The following VIPR2 variants were observed in gnomAD, a reference collection of about 807,000 sequenced individuals.
VIPR2 encodes the protein vasoactive intestinal peptide receptor 2.
VIPR2 carries 48 observed loss-of-function variants against 58.0 expected under a neutral mutation model. The observed-to-expected ratio is 0.83, with a 90% CI of 0.66 to 1.05. The LOEUF (loss-of-function observed/expected upper bound fraction) is 1.05, where lower values mean the gene tolerates loss of function less well. Ranked by LOEUF, VIPR2 falls within the 50% of genes least tolerant of loss-of-function variation. The pLI is 0.00. For missense variants in VIPR2, 534 were observed against 558.0 expected (o/e 0.96, Z 0.43); for synonymous variants, 243 against 235.2 (o/e 1.03, Z -0.30).
rs748818486 is a variant in VIPR2, at chr7:159,034,546, C to T, written c.879+35G>A. ...TGCTGTCTGCCCAAGTGTGTGATTC[C>T]ACAGATAATCCACATGTCAACAGGG... On this transcript the variant is annotated intron_variant, in intron 9 of 12. Transcript: ENST00000262178. 39 of 1,594,598 alleles carry T rather than the reference C, an allele frequency of 2.4e-5. 1 individual carries two copies. The South Asian group carries it at 4.1e-4, about 17-fold the overall frequency.
At chr7:159,136,305 T>C (rs1023958696) in intron 2 of VIPR2, among the ~76,000 whole-genome samples, 7 of 148,310 alleles carry the variant, frequency 4.7e-5, no homozygotes, top group African/African-American at 1.5e-4. Flanking sequence ...CCCACTAATC[T>C]ATTAACGGAT....
Position 159,096,959 on chromosome 7 carries a change from G to A in VIPR2, c.357+6798C>T, listed in dbSNP as rs943493383. ...GTGGCTGGCATTGAGCTTGGCACCT[G>A]CTGGGCCTGAGGACCATGAGGGGAG... On this transcript the variant is annotated intron_variant, in intron 4 of 12. Transcript: ENST00000262178. This position sits in a 1 kb window ranked among gnomAD's most constrained non-coding sequence, Gnocchi z 5.5. 6.4e-6 allele frequency: 10 copies of A among 1,550,488 alleles called. No homozygotes were observed. The highest frequency in any genetic ancestry group is 8.7e-6 in the Non-Finnish European group (10 of 1,147,014).
chr7:159,082,748 C>A (rs922087682), intron 4 of VIPR2, among the ~76,000 whole-genome samples: 8 of 152,282 alleles, frequency 5.3e-5, no homozygotes, highest in African/African-American at 1.9e-4. Context: ...ACAGATAGAC[C>A]TGCAGACAGA....
In VIPR2 at chr7:159,127,252, A is replaced by T. The variant is rs1288331599; in HGVS notation, c.151+15194T>A. ...CGCCATCTCCTGGGACACCGCCCTT[A>T]GGAGGCACCTGGAAACTGGATCACA... On this transcript the variant is annotated intron_variant, in intron 2 of 12. Coordinates refer to ENST00000262178, the MANE Select transcript of VIPR2 (RefSeq NM_003382.5). This position sits in a 1 kb window ranked among gnomAD's most constrained non-coding sequence, Gnocchi z 4.6. 6.6e-6 allele frequency among the ~76,000 whole-genome samples: 1 copy of T among 152,218 alleles called. No individual in the cohort carries two copies. The highest frequency in any genetic ancestry group is 1.5e-5 in the Non-Finnish European group (1 of 68,040).
intron 5 of VIPR2, among the ~76,000 whole-genome samples, chr7:159,056,812 G>C (rs1227518282): frequency 6.6e-6 from 1 of 152,220 alleles, no homozygotes; most frequent in Non-Finnish European, 1.5e-5. Flanking sequence ...GACTCTCACA[G>C]CTCTCAGGAA....
chr7:159,135,336 G>A (rs1025517014), intron 2 of VIPR2, among the ~76,000 whole-genome samples: 47 of 152,034 alleles, frequency 3.1e-4, no homozygotes, highest in Non-Finnish European at 1.9e-4. Context: ...GGAGGCTGAG[G>A]CAGGAGAATT....
chr7:159,110,960 TTGAA>T (rs1795975589), intron 2 of VIPR2, among the ~76,000 whole-genome samples: 1 of 152,216 alleles, frequency 6.6e-6, no homozygotes, highest in South Asian at 2.1e-4. Flanking sequence ...ATACCAATAC[TTGAA>T]TAAGTACATA....
chr7:159,036,655 C>G (rs1426016028), intron 7 of VIPR2, 97 bp downstream of exon 7: 1 of 1,436,074 alleles, frequency 7.0e-7, no homozygotes, highest in Middle Eastern at 1.8e-4. Context: ...ATGCATTCTA[C>G]GGGGGCGGCA....
intron 4 of VIPR2, among the ~76,000 whole-genome samples, chr7:159,103,334 G>A (rs1449929332): frequency 6.6e-6 from 1 of 152,196 alleles, no homozygotes; most frequent in Non-Finnish European, 1.5e-5. Context: ...TCCTGCTGCA[G>A]GCTCAGGGCT....
chr7:159,063,479 C>T (rs1009709997), intron 4 of VIPR2, among the ~76,000 whole-genome samples: 3 of 151,980 alleles, frequency 2.0e-5, no homozygotes, highest in Admixed American at 6.5e-5. Flanking sequence ...CCGCAAGGGC[C>T]GCGCACAGCC....
intron 4 of VIPR2, among the ~76,000 whole-genome samples, chr7:159,082,263 C>T (rs1234313113): frequency 6.6e-6 from 1 of 152,192 alleles, no homozygotes; most frequent in African/African-American, 2.4e-5. Flanking sequence ...GGCACACATA[C>T]ACCATGGAAT....
At chr7:159,045,542 T>C (rs1328387386) in intron 5 of VIPR2, among the ~76,000 whole-genome samples, 1 of 152,100 alleles carries the variant, frequency 6.6e-6, no homozygotes, top group Non-Finnish European at 1.5e-5. Flanking sequence ...ATAATACAGC[T>C]GGACCCCTAC....
chr7:159,102,289 A>AG (rs1351373086), intron 4 of VIPR2, among the ~76,000 whole-genome samples: 1 of 152,086 alleles, frequency 6.6e-6, no homozygotes, highest in Non-Finnish European at 1.5e-5. Context: ...TGGTTTGATA[A>AG]GGGGTTTCCC....
At chr7:159,094,413 T>C (rs979402265) in intron 4 of VIPR2, among the ~76,000 whole-genome samples, 1 of 152,170 alleles carries the variant, frequency 6.6e-6, no homozygotes, top group Admixed American at 6.5e-5. Context: ...TCAGGAGCCC[T>C]TGGAGCCCCT....
chr7:159,102,651 G>A (rs1858371364), intron 4 of VIPR2, among the ~76,000 whole-genome samples: 1 of 152,228 alleles, frequency 6.6e-6, no homozygotes, highest in East Asian at 1.9e-4. Context: ...ATTCTCCCAA[G>A]AGGCAGCCAG....
At chr7:159,082,638 T>C (rs56023468) in intron 4 of VIPR2, among the ~76,000 whole-genome samples, 19,454 of 152,286 alleles carry the variant, frequency 0.13, 1,441 homozygotes, top group East Asian at 0.16. Flanking sequence ...AATGTTTCTA[T>C]GAGAGAGCAG....
intron 4 of VIPR2, among the ~76,000 whole-genome samples, chr7:159,086,328 A>G (rs17837873): frequency 0.049 from 7,429 of 152,254 alleles, 558 homozygotes; most frequent in African/African-American, 0.17. Flanking sequence ...ATGGAGTCCT[A>G]TGAAAATCAG....
chr7:159,114,269 C>T (rs1439829354), intron 2 of VIPR2, among the ~76,000 whole-genome samples: 2 of 151,772 alleles, frequency 1.3e-5, no homozygotes, highest in South Asian at 2.1e-4. Flanking sequence ...AGGCACAGGA[C>T]GGCATGGGAG....
At chr7:159,081,801 G>A (rs1188441185) in intron 4 of VIPR2, among the ~76,000 whole-genome samples, 8 of 152,098 alleles carry the variant, frequency 5.3e-5, no homozygotes, top group Non-Finnish European at 7.4e-5. Flanking sequence ...AAAAGTGAGC[G>A]AAGGATATGA....
Sources: gnomAD v4.1 joint callset for allele counts (sites outside exome capture counted in the v4.1 genomes callset) on GRCh38, gnomAD v4.1.1 for gene constraint, Gnocchi (gnomAD v3.1) non-coding constraint, MANE v1.5 for transcripts, NCBI Gene and HGNC (gene_info 2026-07-23, HGNC 2026-07-21) for gene names.